ZNF362: variants seen among roughly 807,000 people sequenced by gnomAD.
The protein encoded by ZNF362 is rotund homolog.
A neutral mutation model predicts 42.9 loss-of-function variants in ZNF362; 11 were observed. That is an observed-to-expected ratio of 0.26 (90% CI 0.16 to 0.42). The LOEUF is 0.42. Ranked by LOEUF, ZNF362 falls within the 20% of genes least tolerant of loss-of-function variation. The pLI, the probability that ZNF362 is intolerant of heterozygous loss-of-function variation, is 1.00. For synonymous variants in ZNF362, 255 were observed against 257.3 expected, an observed-to-expected ratio of 0.99 and a Z score of 0.09; for missense variants, 362 against 576.2, an observed-to-expected ratio of 0.63 and a Z score of 3.81.
intron 8 of ZNF362, among the ~76,000 whole-genome samples, chr1:33,297,562 A>G (rs569747423): frequency 3.1e-5 from 4 of 127,980 alleles, no homozygotes; most frequent in Middle Eastern, 5.6e-3. Flanking sequence ...ACCCAGGTGG[A>G]GTGCAGTGGC....
the ZNF362 span, among the ~76,000 whole-genome samples, chr1:33,177,127 GCA>G: frequency 6.6e-6 from 1 of 151,512 alleles, no homozygotes; most frequent in Admixed American, 6.6e-5. This position sits in a 1 kb window ranked among gnomAD's most constrained non-coding sequence, Gnocchi z 4.1. Flanking sequence ...ATGTACGCAT[GCA>G]CACACACGCA....
At chr1:33,270,778 G>A (rs1022018250) in intron 2 of ZNF362, among the ~76,000 whole-genome samples, 166 bp downstream of exon 2, 5 of 152,150 alleles carry the variant, frequency 3.3e-5, no homozygotes, top group African/African-American at 7.2e-5. Context: ...CTCCTGTGTC[G>A]TGGTGGCTGT....
chr1:33,167,022 G>A, the ZNF362 span, among the ~76,000 whole-genome samples: 1 of 152,132 alleles, frequency 6.6e-6, no homozygotes, highest in Admixed American at 6.5e-5. The surrounding 1 kb of genome is among the most constrained non-coding windows in gnomAD (Gnocchi z 4.2). Flanking sequence ...CCAGCCAGTG[G>A]CCTTCTTCCT....
chr1:33,287,295 C>T (rs1399595555), intron 6 of ZNF362, among the ~76,000 whole-genome samples: 2 of 152,160 alleles, frequency 1.3e-5, no homozygotes, highest in African/African-American at 4.8e-5. Flanking sequence ...TGAGACTGGC[C>T]TGGGCAACAT....
At chr1:33,187,984 C>T in the ZNF362 span, among the ~76,000 whole-genome samples, 1 of 152,110 alleles carries the variant, frequency 6.6e-6, no homozygotes, top group East Asian at 1.9e-4. Context: ...GCCTGTAATC[C>T]CAGCACTTTG....
chr1:33,263,816 C>T (rs534329908), intron 1 of ZNF362, among the ~76,000 whole-genome samples: 112 of 152,302 alleles, frequency 7.4e-4, no homozygotes, highest in Non-Finnish European at 1.5e-3. Context: ...AATTCAGGGA[C>T]AAAGAGAAGG....
chr1:33,166,843 G>T, the ZNF362 span, among the ~76,000 whole-genome samples: 3 of 152,196 alleles, frequency 2.0e-5, no homozygotes, highest in African/African-American at 7.2e-5. Context: ...GCAGAGCATT[G>T]TTAGTGATCC....
At chr1:33,265,443 A>C (rs1189055883) in intron 1 of ZNF362, among the ~76,000 whole-genome samples, 1 of 152,002 alleles carries the variant, frequency 6.6e-6, no homozygotes, top group African/African-American at 2.4e-5. Context: ...AGCCCTTCCC[A>C]GCCCCGTGGG....
chr1:33,291,418 G>A (rs973626644), intron 6 of ZNF362, among the ~76,000 whole-genome samples: 4 of 152,136 alleles, frequency 2.6e-5, no homozygotes, highest in Non-Finnish European at 5.9e-5. Flanking sequence ...TGTTCCATTG[G>A]TCTATATCTC....
At chr1:33,228,928 G>A in the ZNF362 span, among the ~76,000 whole-genome samples, 1 of 152,076 alleles carries the variant, frequency 6.6e-6, no homozygotes, top group Admixed American at 6.5e-5. Context: ...CTGCTTGTTC[G>A]GTCCCTCCCT....
At chr1:33,213,960 G>T in the ZNF362 span, among the ~76,000 whole-genome samples, 1 of 152,216 alleles carries the variant, frequency 6.6e-6, no homozygotes, top group African/African-American at 2.4e-5. Flanking sequence ...AAAGTCTAGG[G>T]ATTTTACTGA....
the ZNF362 span, among the ~76,000 whole-genome samples, chr1:33,197,305 G>A: frequency 6.6e-6 from 1 of 152,176 alleles, no homozygotes; most frequent in South Asian, 2.1e-4. Flanking sequence ...GCCTATTGTG[G>A]GACTTTGCCT....
rs1235549209 is a variant in ZNF362, at chr1:33,257,728, AC to A, written c.-89+1078del. The stretch of plus-strand genomic sequence containing the variant: ...AATGGGTCCAGGATTTCCAGCAAAG[AC>A]CCCTGGCATGAGGAAATAATCCTGC... On this transcript the variant is annotated intron_variant, in intron 1 of 8. Coordinates refer to ENST00000539719, the MANE Select transcript of ZNF362 (RefSeq NM_152493.3). 6.1e-4 allele frequency among the ~76,000 whole-genome samples: 92 copies of A among 151,846 alleles called. 1 individual carries two copies. The highest frequency in any genetic ancestry group is 1.5e-4 in the Non-Finnish European group (10 of 67,948).
Position 33,299,070 on chromosome 1 carries a change from C to A in ZNF362, c.*24C>A. 6.3e-7 allele frequency: 1 copy of A among 1,583,258 alleles called. No individual in the cohort carries two copies. Among genetic ancestry groups the A allele is most frequent in the Non-Finnish European group, 8.6e-7 (1 of 1,162,918 alleles). On this transcript the variant is annotated 3_prime_UTR_variant, in exon 9 of 9. Transcript: ENST00000539719. ...GAGCCCACTGGAGGCGCCGCCCCACCCGGCCCACTGGCAGACACAGACCCA... is the reference window on the plus strand; with the variant it reads ...GAGCCCACTGGAGGCGCCGCCCCACACGGCCCACTGGCAGACACAGACCCA...
At chr1:33,253,819 C>T (rs898984026), upstream of ZNF362, among the ~76,000 whole-genome samples, 7 of 152,104 alleles carry the variant, frequency 4.6e-5, no homozygotes, top group African/African-American at 1.7e-4. Context: ...AACTGCTCAG[C>T]AATGCCGTGA....
upstream of ZNF362, among the ~76,000 whole-genome samples, chr1:33,255,739 C>A (rs1166379488): frequency 6.6e-6 from 1 of 152,004 alleles, no homozygotes; most frequent in African/African-American, 2.4e-5. Flanking sequence ...TGGGCCTGTG[C>A]AAACTTCTAC....
At chr1:33,211,884 G>C in the ZNF362 span, among the ~76,000 whole-genome samples, 1 of 152,134 alleles carries the variant, frequency 6.6e-6, no homozygotes, top group African/African-American at 2.4e-5. Context: ...ATCCAAAGGA[G>C]ATTTGGTCTT....
chr1:33,272,448 G>C (rs1432240443), intron 2 of ZNF362, among the ~76,000 whole-genome samples: 1 of 150,594 alleles, frequency 6.6e-6, no homozygotes, highest in African/African-American at 2.5e-5. Context: ...TCAGCAGGCC[G>C]TTTTCTGGAA....
At chr1:33,164,166 G>C in the ZNF362 span, 4 of 152,240 alleles carry the variant, frequency 2.6e-5, no homozygotes, top group African/African-American at 9.7e-5. Flanking sequence ...TGTTGCCCCC[G>C]AGGGTCCTGC....
Sources: allele counts gnomAD v4.1 joint callset (sites outside exome capture counted in the v4.1 genomes callset), GRCh38; gene constraint gnomAD v4.1.1; non-coding constraint Gnocchi (gnomAD v3.1); transcripts MANE v1.5; gene names NCBI Gene and HGNC (gene_info 2026-07-23, HGNC 2026-07-21).